Variants in RALGAPA1 observed in about 807,000 individuals in gnomAD.
RALGAPA1 encodes Ral GTPase activating protein catalytic subunit alpha 1, also known as ral GTPase-activating protein subunit alpha-1.
A neutral mutation model predicts 269.6 loss-of-function variants in RALGAPA1; 52 were observed. The observed-to-expected ratio is 0.19, with a 90% CI of 0.15 to 0.24. The LOEUF (loss-of-function observed/expected upper bound fraction) is 0.24. RALGAPA1 is among the 10% of genes least tolerant of loss of function. RALGAPA1 has a pLI of 1.00. For missense variants in RALGAPA1, 1,917 were observed against 3,013.9 expected (o/e 0.64, Z 8.52); for synonymous variants, 817 against 1,008.3 (o/e 0.81, Z 3.60).
chr14:35,702,049 A>G (rs546191804), intron 16 of RALGAPA1, among the ~76,000 whole-genome samples: 6 of 152,250 alleles, frequency 3.9e-5, no homozygotes, highest in African/African-American at 1.4e-4. Flanking sequence ...CTTACAATCT[A>G]TTTTTAGTGG....
intron 1 of RALGAPA1, among the ~76,000 whole-genome samples, chr14:35,791,255 C>T (rs1447710240): frequency 6.6e-6 from 1 of 152,180 alleles, no homozygotes; most frequent in Non-Finnish European, 1.5e-5. Context: ...AGATCTGCAT[C>T]TTCAGAGGAG....
intron 7 of RALGAPA1, chr14:35,756,295 G>C (rs780590294): frequency 4.6e-5 from 7 of 152,174 alleles, no homozygotes; most frequent in Admixed American, 2.0e-4. Context: ...GCAAAAATTT[G>C]TCACTTCTTC....
intron 25 of RALGAPA1, among the ~76,000 whole-genome samples, chr14:35,672,313 A>G (rs2064532252): frequency 6.6e-6 from 1 of 152,156 alleles, no homozygotes. Flanking sequence ...TACACTTGTT[A>G]GTTTATGGCC....
intron 38 of RALGAPA1, 38 bp from the exon 39 acceptor site, chr14:35,570,782 T>C: frequency 6.4e-7 from 1 of 1,558,180 alleles, no homozygotes. Context: ...ACATTCAAAT[T>C]ACAGACAGAT....
chr14:35,652,285 C>T (rs2062879164), intron 30 of RALGAPA1, among the ~76,000 whole-genome samples: 1 of 151,610 alleles, frequency 6.6e-6, no homozygotes, highest in Non-Finnish European at 1.5e-5. Context: ...CGACAGAGAC[C>T]CTGTCTCAAA....
At position 35,719,223 on chromosome 14, in the gene RALGAPA1, G is replaced by A. The variant is rs531167705; in HGVS notation, c.2266+2465C>T. Among the ~76,000 whole-genome samples the A allele has an allele frequency of 7.2e-5, 11 of 152,256 alleles. No homozygotes were observed. In the South Asian group the frequency reaches 2.3e-3, roughly 32 times the overall value. On this transcript the variant is annotated intron_variant, in intron 16 of 41. Coordinates refer to ENST00000680220, the MANE Select transcript of RALGAPA1 (RefSeq NM_001346249.2). ...TATGCCTGTAATCCCAGCTACTGGA[G>A]GCTGAGTCAGGAGAATCACTTGAAC...
intron 3 of RALGAPA1, among the ~76,000 whole-genome samples, chr14:35,771,837 T>C (rs1177663544): frequency 6.6e-6 from 1 of 152,020 alleles, no homozygotes; most frequent in Non-Finnish European, 1.5e-5. Flanking sequence ...TGTCTAGCAA[T>C]TCCTAGAATT....
intron 7 of RALGAPA1, 128 bp from the exon 8 acceptor site, chr14:35,752,290 A>AAGAACTGTTAACACTAAAGATCATGATAC: frequency 9.4e-7 from 1 of 1,065,278 alleles, no homozygotes; most frequent in Non-Finnish European, 1.3e-6. Flanking sequence ...AGATCATGAT[A>AAGAACTGTTAACACTAAAGATCATGATAC]CATAGCATAA....
intron 39 of RALGAPA1, among the ~76,000 whole-genome samples, chr14:35,557,909 T>C (rs1466666319): frequency 6.6e-6 from 1 of 152,186 alleles, no homozygotes; most frequent in African/African-American, 2.4e-5. Flanking sequence ...GTCAACTTCA[T>C]TTCAGCTGAA....
chr14:35,806,135 C>T (rs923603158), intron 1 of RALGAPA1, among the ~76,000 whole-genome samples: 5 of 151,888 alleles, frequency 3.3e-5, no homozygotes, highest in South Asian at 2.1e-4. Context: ...TTATTGTGTG[C>T]CAATTATACC....
chr14:35,563,687 T>C (rs974669775), intron 39 of RALGAPA1, among the ~76,000 whole-genome samples: 25 of 152,206 alleles, frequency 1.6e-4, no homozygotes, highest in African/African-American at 6.0e-4. Context: ...TGAAAATGCA[T>C]TTAATACACC....
At chr14:35,655,014 T>C (rs141883238) in intron 29 of RALGAPA1, among the ~76,000 whole-genome samples, 2,174 of 152,310 alleles carry the variant, frequency 0.014, 23 homozygotes, top group Non-Finnish European at 0.02. Flanking sequence ...CAGCAGTTTA[T>C]ATTATACACG....
intron 35 of RALGAPA1, among the ~76,000 whole-genome samples, chr14:35,610,524 C>T (rs928586165): frequency 3.3e-5 from 5 of 152,068 alleles, no homozygotes; most frequent in Middle Eastern, 3.2e-3. Context: ...CCTTGTGATC[C>T]GCCCTCCTCC....
intron 1 of RALGAPA1, among the ~76,000 whole-genome samples, chr14:35,805,751 C>G (rs1461696321): frequency 6.8e-6 from 1 of 147,894 alleles, no homozygotes; most frequent in Non-Finnish European, 1.5e-5. Context: ...GTAGCGTGAT[C>G]TCGACTCACC....
chr14:35,545,293 A>G (rs888833405), intron 41 of RALGAPA1, among the ~76,000 whole-genome samples: 1 of 152,132 alleles, frequency 6.6e-6, no homozygotes, highest in African/African-American at 2.4e-5. Context: ...AAAGATTCAA[A>G]GAAATAGATC....
intron 21 of RALGAPA1, 134 bp from the exon 22 acceptor site, chr14:35,678,236 C>A: frequency 1.4e-6 from 1 of 713,640 alleles, no homozygotes; most frequent in African/African-American, 1.9e-5. Context: ...CCAGGGAGGT[C>A]AAGAAAATCA....
intron 32 of RALGAPA1, among the ~76,000 whole-genome samples, chr14:35,634,997 G>A (rs28404762): frequency 2.6e-5 from 4 of 151,744 alleles, no homozygotes; most frequent in Admixed American, 1.3e-4. Context: ...ATGGCGAAAC[G>A]CTGTGTCTAC....
intron 4 of RALGAPA1, among the ~76,000 whole-genome samples, chr14:35,770,336 A>G (rs908219098): frequency 2.0e-5 from 3 of 152,194 alleles, no homozygotes; most frequent in African/African-American, 4.8e-5. Context: ...ACTGACCATT[A>G]TCTTTCTCCC....
intron 37 of RALGAPA1, among the ~76,000 whole-genome samples, chr14:35,574,870 C>G (rs1302928116): frequency 6.6e-6 from 1 of 152,034 alleles, no homozygotes; most frequent in African/African-American, 2.4e-5. Context: ...CTCACACTTG[C>G]AATCCGAGCA....
Sources: gnomAD v4.1 joint callset for allele counts (sites outside exome capture counted in the v4.1 genomes callset) on GRCh38, gnomAD v4.1.1 for gene constraint, MANE v1.5 for transcripts, NCBI Gene and HGNC (gene_info 2026-07-23, HGNC 2026-07-21) for gene names.